Variants in PALS2 observed in about 807,000 individuals in gnomAD.
PALS2 encodes protein associated with LIN7 2, MAGUK p55 family member, also known as protein PALS2.
A neutral mutation model predicts 61.6 loss-of-function variants in PALS2; 27 were observed. The observed-to-expected ratio is 0.44, with a 90% confidence interval of 0.32 to 0.60. PALS2 has a LOEUF of 0.60. PALS2 is among the 20% of genes least tolerant of loss of function. The pLI, the probability that PALS2 is intolerant of heterozygous loss-of-function variation, is 0.05. For missense variants in PALS2, 554 were observed against 639.4 expected (o/e 0.87, Z 1.44); for synonymous variants, 236 against 218.6 (o/e 1.08, Z -0.70).
At chr7:24,657,998 C>T (rs1322607330) in intron 5 of PALS2, among the ~76,000 whole-genome samples, 1 of 144,114 alleles carries the variant, frequency 6.9e-6, no homozygotes, top group Admixed American at 6.8e-5. Flanking sequence ...ACAATAATTT[C>T]TTCAGACATT....
intron 2 of PALS2, among the ~76,000 whole-genome samples, chr7:24,639,583 GT>G (rs1315102337): frequency 6.6e-6 from 1 of 151,910 alleles, no homozygotes; most frequent in Non-Finnish European, 1.5e-5. Flanking sequence ...AAATCAGGTA[GT>G]GGCTTTTTAT....
chr7:24,641,983 A>G (rs1422592350), intron 3 of PALS2, 115 bp downstream of exon 3: 1 of 1,151,128 alleles, frequency 8.7e-7, no homozygotes, highest in East Asian at 2.4e-5. Context: ...ATAATAGGTA[A>G]GTATGTAAAT....
intron 3 of PALS2, among the ~76,000 whole-genome samples, chr7:24,643,458 A>G (rs144208565): frequency 1.2e-3 from 188 of 152,208 alleles, no homozygotes; most frequent in African/African-American, 4.3e-3. Flanking sequence ...TTTTTTTACT[A>G]ATTTGAGATT....
intron 3 of PALS2, among the ~76,000 whole-genome samples, chr7:24,644,170 A>G (rs1269198556): frequency 6.7e-6 from 1 of 150,176 alleles, no homozygotes; most frequent in African/African-American, 2.5e-5. Flanking sequence ...AAACACATGT[A>G]ATGGGGGTTT....
rs1782904942 is a variant in PALS2 at position 24,582,983 on chromosome 7, C to T, written c.-3+9390C>T. On this transcript the variant is annotated intron_variant, in intron 1 of 11. Coordinates refer to ENST00000222644, the MANE Select transcript of PALS2 (RefSeq NM_001303037.2). ...GATCTCGGCTCACTGCAACCTCTGC[C>T]TCCCGGATTCAAGTGATTCTCCTGC... 2.7e-5 allele frequency among the ~76,000 whole-genome samples: 4 copies of T among 148,286 alleles called. No homozygotes were observed. The Admixed American group carries it at 2.7e-4, about 10-fold the overall frequency.
At chr7:24,666,575 C>T (rs1354588288) in intron 8 of PALS2, among the ~76,000 whole-genome samples, 2 of 151,958 alleles carry the variant, frequency 1.3e-5, no homozygotes, top group Non-Finnish European at 2.9e-5. Flanking sequence ...TTTAGTCATA[C>T]AGAAAGAAAT....
intron 9 of PALS2, among the ~76,000 whole-genome samples, chr7:24,672,838 T>C (rs1287895233): frequency 6.6e-6 from 1 of 152,202 alleles, no homozygotes; most frequent in Admixed American, 6.5e-5. Context: ...AATCATGTCA[T>C]CTGCAAATAG....
At chr7:24,623,900 A>G in intron 2 of PALS2, 116 bp downstream of exon 2, 2 of 973,738 alleles carry the variant, frequency 2.1e-6, no homozygotes, top group Non-Finnish European at 3.0e-6. Flanking sequence ...TAGTTAGCAA[A>G]TAAAAACATT....
chr7:24,670,843 ATTG>A (rs1344922073), intron 9 of PALS2, among the ~76,000 whole-genome samples: 23 of 152,152 alleles, frequency 1.5e-4, no homozygotes, highest in Non-Finnish European at 2.9e-4. Context: ...TCTCATCTGC[ATTG>A]TAGCATTTAT....
chr7:24,574,881 A>G (rs1425211667), intron 1 of PALS2, among the ~76,000 whole-genome samples: 2 of 152,198 alleles, frequency 1.3e-5, no homozygotes, highest in Admixed American at 6.5e-5. Flanking sequence ...AGGTATAGCA[A>G]CGGACCTCAA....
At chr7:24,669,258 CT>C (rs1346019996) in intron 9 of PALS2, among the ~76,000 whole-genome samples, 2 of 152,256 alleles carry the variant, frequency 1.3e-5, no homozygotes, top group East Asian at 3.9e-4. Context: ...ATTTTATGGT[CT>C]TTGCATTCAT....
intron 5 of PALS2, among the ~76,000 whole-genome samples, chr7:24,658,151 ATTGTT>A (rs144949362): frequency 0.069 from 10,503 of 151,762 alleles, 437 homozygotes; most frequent in African/African-American, 0.11. Flanking sequence ...GATGTTTTCT[ATTGTT>A]TTGTTTTCAA....
In PALS2 at chr7:24,640,852, C is replaced by T. The variant is rs375216740; in HGVS notation, c.118-864C>T. Among the ~76,000 whole-genome samples, 22 of 151,530 alleles carry T rather than the reference C, an allele frequency of 1.5e-4. No homozygotes were observed. The East Asian group carries it at 2.9e-3, about 20-fold the overall frequency. On this transcript the variant is annotated intron_variant, in intron 2 of 11. Transcript: ENST00000222644. ...TGAAACCCTGTCTCTACTAAAAATACAAAAAATTAGCCAGGCTTGGTGGCG... is the reference window on the plus strand; with the variant it reads ...TGAAACCCTGTCTCTACTAAAAATATAAAAAATTAGCCAGGCTTGGTGGCG...
chr7:24,584,723 A>G (rs1306078707), intron 1 of PALS2, among the ~76,000 whole-genome samples: 1 of 152,076 alleles, frequency 6.6e-6, no homozygotes, highest in East Asian at 1.9e-4. Flanking sequence ...TGTTTTAGAC[A>G]TGAAGTGCTT....
intron 9 of PALS2, among the ~76,000 whole-genome samples, chr7:24,676,186 T>C (rs1363773277): frequency 6.6e-6 from 1 of 152,160 alleles, no homozygotes; most frequent in Non-Finnish European, 1.5e-5. Context: ...TGCATAAGTG[T>C]CTGTCCATGT....
intron 1 of PALS2, among the ~76,000 whole-genome samples, chr7:24,612,860 C>T (rs988135222): frequency 6.6e-6 from 1 of 151,772 alleles, no homozygotes; most frequent in South Asian, 2.1e-4. Flanking sequence ...AAGTAGTCAT[C>T]GTAGTGGGCA....
intron 10 of PALS2, among the ~76,000 whole-genome samples, chr7:24,679,669 A>G (rs1275064152): frequency 3.3e-5 from 5 of 152,152 alleles, no homozygotes; most frequent in Non-Finnish European, 5.9e-5. Context: ...AATATAAAGA[A>G]TAAAAAATTA....
At chr7:24,600,130 A>G (rs1397244045) in intron 1 of PALS2, among the ~76,000 whole-genome samples, 1 of 152,132 alleles carries the variant, frequency 6.6e-6, no homozygotes, top group Non-Finnish European at 1.5e-5. Flanking sequence ...TTTGCTTGTA[A>G]GCAGATCTAT....
intron 1 of PALS2, among the ~76,000 whole-genome samples, chr7:24,578,474 C>T (rs895839226): frequency 1.3e-5 from 2 of 152,158 alleles, no homozygotes; most frequent in African/African-American, 2.4e-5. Context: ...GGGAATTTAT[C>T]GTTCAAATGC....
Sources: allele counts gnomAD v4.1 joint callset (sites outside exome capture counted in the v4.1 genomes callset), GRCh38; gene constraint gnomAD v4.1.1; transcripts MANE v1.5; gene names NCBI Gene and HGNC (gene_info 2026-07-23, HGNC 2026-07-21).